Variants in RABEP2 observed in about 807,000 individuals in gnomAD.
The protein encoded by RABEP2 is rabaptin, RAB GTPase binding effector protein 2, also known as rab GTPase-binding effector protein 2.
A neutral mutation model predicts 74.1 loss-of-function variants in RABEP2; 57 were observed. That is an observed-to-expected ratio of 0.77 (90% CI 0.62 to 0.96). RABEP2 has a LOEUF of 0.96. Ranked by LOEUF, RABEP2 falls within the 40% of genes least tolerant of loss-of-function variation. The pLI, the probability that RABEP2 is intolerant of heterozygous loss-of-function variation, is 0.00. For synonymous variants in RABEP2, 351 were observed against 344.0 expected, an observed-to-expected ratio of 1.02 and a Z score of -0.23; for missense variants, 692 against 756.3, an observed-to-expected ratio of 0.91 and a Z score of 1.00.
At chr16:28,917,435 T>G (rs1964409160) in intron 3 of RABEP2, among the ~76,000 whole-genome samples, 1 of 152,224 alleles carries the variant, frequency 6.6e-6, no homozygotes, top group Admixed American at 6.5e-5. Flanking sequence ...CTTTTTCTTT[T>G]TTGAGACGGA....
At chr16:28,910,709 T>C (rs1964299461) in intron 7 of RABEP2, 179 bp downstream of exon 7, 1 of 586,554 alleles carries the variant, frequency 1.7e-6, no homozygotes, top group South Asian at 2.1e-5. Context: ...GGCCCTGTTC[T>C]GGCCACGGCA....
intron 5 of RABEP2, 62 bp downstream of exon 5, chr16:28,914,174 C>T (rs1013996252): frequency 3.8e-5 from 52 of 1,369,488 alleles, no homozygotes; most frequent in Non-Finnish European, 4.5e-5. Flanking sequence ...ACAGGTGGTG[C>T]GGGGGAAGCA....
chr16:28,909,551 A>G (rs1259608802), intron 7 of RABEP2, among the ~76,000 whole-genome samples: 1 of 152,066 alleles, frequency 6.6e-6, no homozygotes, highest in Non-Finnish European at 1.5e-5. Context: ...CGACTCTACA[A>G]AAAAATTTAC....
chr16:28,919,137 A>C (rs1964434225), intron 3 of RABEP2, among the ~76,000 whole-genome samples: 1 of 152,206 alleles, frequency 6.6e-6, no homozygotes, highest in Non-Finnish European at 1.5e-5. Flanking sequence ...TCAAGCACTA[A>C]GCACAGTGCC....
Position 28,904,712 on chromosome 16 carries a change from G to C in RABEP2, c.*231C>G. 1 of 640,008 alleles carries C rather than the reference G, an allele frequency of 1.6e-6. No individual in the cohort carries two copies. The highest frequency in any genetic ancestry group is 3.0e-5 in the East Asian group (1 of 33,446). 39.6% of individuals were successfully genotyped at this position (640,008 alleles called of 1,614,324 possible). The stretch of plus-strand genomic sequence containing the variant: ...CCGCAGGCCTGAGCCTGCACCTTTG[G>C]TTCCGGGAGGGGCTTGGGCCCCTCA... On this transcript the variant is annotated 3_prime_UTR_variant, in exon 13 of 13. Transcript: ENST00000358201.
intron 3 of RABEP2, among the ~76,000 whole-genome samples, chr16:28,918,681 T>C (rs187821425): frequency 6.6e-6 from 1 of 150,906 alleles, no homozygotes; most frequent in African/African-American, 2.4e-5. Flanking sequence ...AGAGACAGGG[T>C]CTTACTCTGT....
chr16:28,910,941 G>C lies in RABEP2; in HGVS notation c.1036C>G (p.Arg346Gly), dbSNP rs752481438. The C allele has an allele frequency of 6.2e-7, 1 of 1,612,962 alleles. No homozygotes were observed. The highest frequency in any genetic ancestry group is 8.5e-7 in the Non-Finnish European group (1 of 1,179,546). The change falls in exon 7 of 13, where the codon CGG becomes GGG. Residue 346 changes from arginine (R) to glycine (G), a missense_variant. Arg to Gly is a moderately radical substitution (Grantham distance 125). Coordinates refer to ENST00000358201, the MANE Select transcript of RABEP2 (RefSeq NM_024816.3). ...TGGCTCACGGTCCCTTGCAGGGTCC[G>C]CAGCAGCTGCTCTGAGTTCTGGACC... The part of the protein sequence containing the change: ...AQVQNSEQLL[R>G]TLQGTVSQAQ...
chr16:28,921,942 G>C (rs979736858), intron 2 of RABEP2, among the ~76,000 whole-genome samples: 1 of 151,964 alleles, frequency 6.6e-6, no homozygotes, highest in African/African-American at 2.4e-5. Flanking sequence ...TTCAGCCTGG[G>C]TGACTGAGCG....
In RABEP2 at chr16:28,914,818, C is replaced by G. The variant is rs768511511; in HGVS notation, c.433-36G>C. 3 of 1,585,542 alleles carry G rather than the reference C, an allele frequency of 1.9e-6. No homozygotes were observed. In the South Asian group the frequency reaches 3.3e-5, roughly 18 times the overall value. On this transcript the variant is annotated intron_variant, in intron 3 of 12. Coordinates refer to ENST00000358201, the MANE Select transcript of RABEP2 (RefSeq NM_024816.3). ...CGGGGTGTGGCAGCAATAGTTCCCC[C>G]TCCAAAGTGCTGAAGCCCCGGGTCT...
At chr16:28,912,369 C>T (rs1372053696) in intron 5 of RABEP2, among the ~76,000 whole-genome samples, 1 of 151,820 alleles carries the variant, frequency 6.6e-6, no homozygotes, top group Non-Finnish European at 1.5e-5. Context: ...CCTGTGTCCC[C>T]TACCCCAACA....
chr16:28,917,005 A>G (rs1439694176), intron 3 of RABEP2, among the ~76,000 whole-genome samples: 1 of 149,996 alleles, frequency 6.7e-6, no homozygotes, highest in Non-Finnish European at 1.5e-5. Context: ...AAAAAAAAAA[A>G]TTATGTCACA....
In RABEP2 at chr16:28,908,776, CAGTT is replaced by C. The variant is rs775225881; in HGVS notation, c.1090-16_1090-13del. On this transcript the variant is annotated splice_polypyrimidine_tract_variant and intron_variant, in intron 7 of 12. Coordinates refer to ENST00000358201, the MANE Select transcript of RABEP2 (RefSeq NM_024816.3). ...GTGACCAGCTCCGCCTATGGACAGA[CAGTT>C]AGTATAAGGCAATGAAGAGGACAGG... The C allele has an allele frequency of 1.2e-5, 19 of 1,613,090 alleles. No homozygotes were observed. The highest frequency in any genetic ancestry group is 2.2e-5 in the East Asian group (1 of 44,846).
intron 5 of RABEP2, among the ~76,000 whole-genome samples, chr16:28,913,652 T>G (rs928812181): frequency 1.3e-5 from 2 of 151,932 alleles, no homozygotes; most frequent in Non-Finnish European, 2.9e-5. Context: ...CAGCTAATTT[T>G]TGTGTTTTTA....
intron 5 of RABEP2, among the ~76,000 whole-genome samples, chr16:28,913,261 C>T (rs1045495111): frequency 1.3e-5 from 2 of 151,792 alleles, no homozygotes; most frequent in African/African-American, 4.8e-5. Context: ...TTCCTCACGC[C>T]ATCTGGGTCT....
chr16:28,914,872 G>T, intron 3 of RABEP2, 90 bp from the exon 4 acceptor site: 1 of 1,098,226 alleles, frequency 9.1e-7, no homozygotes, highest in Non-Finnish European at 1.4e-6. Context: ...AAGCACATCA[G>T]CTCTCCTAAT....
rs1596699883 is a variant in RABEP2, at chr16:28,914,365, G to A, written c.765C>T (p.Gly255=). 6.2e-7 allele frequency: 1 copy of A among 1,613,464 alleles called. No homozygotes were observed. Among genetic ancestry groups the A allele is most frequent in the Non-Finnish European group, 8.5e-7 (1 of 1,180,014 alleles). Residue 255 remains glycine (G), a synonymous_variant, in exon 5 of 13, where the codon GGC becomes GGT. Transcript: ENST00000358201. ...CCGTCTCTTCCTGTTCAGGGCTCAG[G>A]CCCTGGCGGCTTTGGGGCAGGGAGG... The part of the protein sequence containing the change: ...SSSSLPQSRQ[G]LSPEQEETAS...
At chr16:28,913,638 C>A (rs1008265216) in intron 5 of RABEP2, among the ~76,000 whole-genome samples, 8 of 151,824 alleles carry the variant, frequency 5.3e-5, no homozygotes, top group Non-Finnish European at 1.0e-4. Flanking sequence ...TGCGCCACCA[C>A]GCCCAGCTAA....
intron 2 of RABEP2, among the ~76,000 whole-genome samples, chr16:28,922,441 G>A (rs1339922972): frequency 2.0e-5 from 3 of 151,968 alleles, no homozygotes; most frequent in African/African-American, 7.3e-5. Flanking sequence ...AAAAAATGGG[G>A]CCGGGCGTGG....
chr16:28,906,099 G>T lies in RABEP2; in HGVS notation c.1343C>A (p.Thr448Lys). 2 of 1,596,746 alleles carry T rather than the reference G, an allele frequency of 1.3e-6. No individual in the cohort carries two copies. The highest frequency in any genetic ancestry group is 1.7e-6 in the Non-Finnish European group (2 of 1,172,684). Reference protein sequence around the residue: ...GAERLRIEIVTLREALEEETV... With the variant: ...GAERLRIEIVKLREALEEETV... The stretch of plus-strand genomic sequence containing the variant: ...CTCCTCCTCCAGAGCCTCCCGCAGC[G>T]TCACGATCTCGATCCGCAGGCGCTC... The change falls in exon 9 of 13, where the codon ACG (threonine) becomes AAG (lysine). Residue 448 changes from threonine (T) to lysine (K), a missense_variant. Coordinates refer to ENST00000358201, the MANE Select transcript of RABEP2 (RefSeq NM_024816.3).
Sources: gnomAD v4.1 joint callset for allele counts (sites outside exome capture counted in the v4.1 genomes callset) on GRCh38, gnomAD v4.1.1 for gene constraint, MANE v1.5 for transcripts, NCBI Gene and HGNC (gene_info 2026-07-23, HGNC 2026-07-21) for gene names.